The following NEK7 variants were observed in gnomAD, a reference collection of about 807,000 sequenced individuals.
NEK7 encodes NIMA related kinase 7.
NEK7 carries 18 observed loss-of-function variants against 44.6 expected under a neutral mutation model. The observed-to-expected ratio is 0.40, with a 90% CI of 0.28 to 0.60. The LOEUF is 0.60. Ranked by LOEUF, NEK7 falls within the 20% of genes least tolerant of loss-of-function variation. The pLI is 0.38. For missense variants in NEK7, 256 were observed against 366.5 expected (o/e 0.70, Z 2.46); for synonymous variants, 130 against 121.1 (o/e 1.07, Z -0.48).
intron 9 of NEK7, among the ~76,000 whole-genome samples, chr1:198,301,482 A>G (rs897601167): frequency 6.6e-6 from 1 of 152,224 alleles, no homozygotes; most frequent in Non-Finnish European, 1.5e-5. Flanking sequence ...CCCAGGAGGC[A>G]GAACTTGCAG....
At chr1:198,239,858 C>A (rs2102889916) in intron 2 of NEK7, among the ~76,000 whole-genome samples, 1 of 152,258 alleles carries the variant, frequency 6.6e-6, no homozygotes, top group South Asian at 2.1e-4. Context: ...CTTCCACAAA[C>A]CCCGACAGGA....
Position 198,214,018 on chromosome 1 carries a change from C to T in NEK7, c.-28-18535C>T, listed in dbSNP as rs142818837. Among the ~76,000 whole-genome samples, 293 of 152,248 alleles carry T rather than the reference C, an allele frequency of 1.9e-3. 1 individual carries two copies. The highest frequency in any genetic ancestry group is 6.5e-3 in the African/African-American group (270 of 41,540). ...AGGAGTCAGTGAATCTGCTCATATA[C>T]CCGGCACATTGCTACTACAACCACC... On this transcript the variant is annotated intron_variant, in intron 1 of 9. Transcript: ENST00000367385.
intron 1 of NEK7, chr1:198,206,821 C>T (rs1477257964): frequency 2.0e-5 from 3 of 152,024 alleles, no homozygotes; most frequent in African/African-American, 7.2e-5. Context: ...TTTCAGTATT[C>T]CATTCCTATT....
At chr1:198,306,327 T>C (rs1240101428) in intron 9 of NEK7, among the ~76,000 whole-genome samples, 1 of 152,162 alleles carries the variant, frequency 6.6e-6, no homozygotes, top group Non-Finnish European at 1.5e-5. Context: ...CAGTTCTCCA[T>C]TGGAGTCTTA....
intron 1 of NEK7, among the ~76,000 whole-genome samples, chr1:198,221,727 A>G (rs1666082515): frequency 6.6e-6 from 1 of 151,908 alleles, no homozygotes; most frequent in Non-Finnish European, 1.5e-5. Flanking sequence ...GCTAAGGTAA[A>G]TATGTTAGCT....
intron 9 of NEK7, among the ~76,000 whole-genome samples, chr1:198,299,662 G>A (rs1427404990): frequency 2.6e-5 from 4 of 152,122 alleles, no homozygotes; most frequent in Admixed American, 1.3e-4. Context: ...GTATTTATGA[G>A]CTTACCAAAT....
At chr1:198,274,721 A>G (rs1424042696) in intron 5 of NEK7, among the ~76,000 whole-genome samples, 1 of 151,732 alleles carries the variant, frequency 6.6e-6, no homozygotes, top group Non-Finnish European at 1.5e-5. Context: ...GCAGGAACCA[A>G]GTTACTCAAT....
chr1:198,320,295 T>C lies in NEK7; in HGVS notation c.*773T>C, dbSNP rs1273662435. On this transcript the variant is annotated 3_prime_UTR_variant, in exon 10 of 10. Transcript: ENST00000367385. ...GTTGCACATTGCCCAAGGCTTTTTTTGTGTGTTTTTATTGTTGTTTGTACA... is the reference window on the plus strand; with the variant it reads ...GTTGCACATTGCCCAAGGCTTTTTTCGTGTGTTTTTATTGTTGTTTGTACA... 6.6e-6 allele frequency: 1 copy of C among 152,154 alleles called. No homozygotes were observed. The highest frequency in any genetic ancestry group is 2.1e-4 in the South Asian group (1 of 4,828). 9.4% of individuals were successfully genotyped at this position (152,154 alleles called of 1,614,324 possible).
At chr1:198,251,307 T>C (rs1232274061) in intron 2 of NEK7, among the ~76,000 whole-genome samples, 1 of 150,544 alleles carries the variant, frequency 6.6e-6, no homozygotes, top group East Asian at 2.0e-4. Context: ...TTTGCATCAA[T>C]GTTCATCAAG....
At chr1:198,229,826 T>C (rs1666334277) in intron 1 of NEK7, among the ~76,000 whole-genome samples, 1 of 114,392 alleles carries the variant, frequency 8.7e-6, no homozygotes. Context: ...GAGTTCTTTA[T>C]GTAGATTTTT....
intron 2 of NEK7, among the ~76,000 whole-genome samples, chr1:198,249,299 A>G (rs567241439): frequency 6.6e-6 from 1 of 152,050 alleles, no homozygotes; most frequent in Admixed American, 6.5e-5. Context: ...ATTGTTGGAC[A>G]TTTGGGTTGG....
chr1:198,165,746 C>CCA (rs1325318419), intron 1 of NEK7, among the ~76,000 whole-genome samples: 1 of 152,180 alleles, frequency 6.6e-6, no homozygotes, highest in Admixed American at 6.5e-5. Flanking sequence ...CAGCCCTTAA[C>CCA]CAGAGCCTGT....
chr1:198,268,090 A>T (rs1439738170), intron 5 of NEK7, among the ~76,000 whole-genome samples: 2 of 141,470 alleles, frequency 1.4e-5, no homozygotes, highest in African/African-American at 2.6e-5. Context: ...TTCTTAACTG[A>T]CTCATTCTCT....
intron 1 of NEK7, among the ~76,000 whole-genome samples, chr1:198,229,943 TA>T (rs1487919425): frequency 1.3e-5 from 2 of 152,206 alleles, no homozygotes; most frequent in African/African-American, 4.8e-5. Context: ...CACTTTATTA[TA>T]ACCTAGTACA....
intron 5 of NEK7, among the ~76,000 whole-genome samples, chr1:198,271,625 C>T (rs1271772242): frequency 1.3e-5 from 2 of 151,828 alleles, no homozygotes; most frequent in East Asian, 3.9e-4. Context: ...TCCCAGCAGT[C>T]CCATCTCTCT....
chr1:198,194,498 T>C (rs377721048), intron 1 of NEK7, among the ~76,000 whole-genome samples: 10 of 151,202 alleles, frequency 6.6e-5, no homozygotes, highest in African/African-American at 2.0e-4. Context: ...TCTATGTGTC[T>C]GTTGTTTCCC....
intron 1 of NEK7, among the ~76,000 whole-genome samples, chr1:198,194,304 T>C (rs1388455701): frequency 6.6e-6 from 1 of 151,904 alleles, no homozygotes; most frequent in Non-Finnish European, 1.5e-5. Context: ...TCTTTCTTTT[T>C]TTTTTTTTAA....
chr1:198,197,922 G>T, intron 1 of NEK7: 1 of 1,390,568 alleles, frequency 7.2e-7, no homozygotes, highest in Non-Finnish European at 1.0e-6. Context: ...GGAGCCAAGG[G>T]ATTCACAGGA....
intron 9 of NEK7, among the ~76,000 whole-genome samples, chr1:198,303,148 C>T (rs576062203): frequency 2.6e-5 from 4 of 151,998 alleles, no homozygotes; most frequent in African/African-American, 4.8e-5. Context: ...AATGAGGAAA[C>T]GGCAGAAGGG....
Sources: allele counts gnomAD v4.1 joint callset (sites outside exome capture counted in the v4.1 genomes callset), GRCh38; gene constraint gnomAD v4.1.1; transcripts MANE v1.5; gene names NCBI Gene and HGNC (gene_info 2026-07-23, HGNC 2026-07-21).